The following NBAS variants were observed in gnomAD, a reference collection of about 807,000 sequenced individuals.
NBAS encodes NBAS subunit of NRZ tethering complex.
Under a neutral mutation model 302.5 loss-of-function variants are expected in NBAS, and 219 were observed. The ratio of observed to expected loss-of-function variants is 0.72; its 90% CI spans 0.65 to 0.81. The LOEUF (loss-of-function observed/expected upper bound fraction) is 0.81. Among genes scored for constraint, NBAS ranks in the 30% least tolerant of loss-of-function variants. NBAS has a pLI of 0.00. For missense variants in NBAS, 2,932 were observed against 2,841.6 expected (o/e 1.03, Z -0.72); for synonymous variants, 1,118 against 1,021.6 (o/e 1.09, Z -1.80).
the NBAS span, among the ~76,000 whole-genome samples, chr2:15,096,132 C>A: frequency 1.3e-5 from 2 of 152,242 alleles, no homozygotes; most frequent in Admixed American, 1.3e-4. Context: ...TTCCTGGAAG[C>A]CTTTGTTTAA....
the NBAS span, among the ~76,000 whole-genome samples, chr2:14,885,760 G>A: frequency 6.6e-6 from 1 of 152,146 alleles, no homozygotes. Flanking sequence ...GTAGGGCAAG[G>A]ATTCATAGAG....
At chr2:15,324,815 T>G (rs1671988872) in intron 38 of NBAS, among the ~76,000 whole-genome samples, 1 of 152,150 alleles carries the variant, frequency 6.6e-6, no homozygotes, top group South Asian at 2.1e-4. Flanking sequence ...TTTCTCCCAC[T>G]CCCTAAAGCT....
At chr2:15,113,534 C>G in the NBAS span, among the ~76,000 whole-genome samples, 1 of 151,986 alleles carries the variant, frequency 6.6e-6, no homozygotes, top group Non-Finnish European at 1.5e-5. Context: ...TTTTCTCTAC[C>G]AGGTGATATC....
At chr2:15,217,397 T>C (rs897790617) in intron 48 of NBAS, among the ~76,000 whole-genome samples, 1 of 152,246 alleles carries the variant, frequency 6.6e-6, no homozygotes, top group Admixed American at 6.5e-5. Flanking sequence ...AGACTGTATC[T>C]GATAATAATT....
chr2:14,808,433 T>C, the NBAS span, among the ~76,000 whole-genome samples: 371 of 152,282 alleles, frequency 2.4e-3, no homozygotes, highest in African/African-American at 8.1e-3. Context: ...TGGGAAATCA[T>C]TGAATCCTGG....
At chr2:14,858,534 TTA>T in the NBAS span, among the ~76,000 whole-genome samples, 24 of 152,162 alleles carry the variant, frequency 1.6e-4, no homozygotes, top group African/African-American at 5.3e-4. Flanking sequence ...CTGGAGATCA[TTA>T]TGTTTAAGTG....
At chr2:15,488,787 G>A (rs868425046) in intron 12 of NBAS, 107 bp downstream of exon 12, 17 of 1,397,154 alleles carry the variant, frequency 1.2e-5, no homozygotes, top group Middle Eastern at 3.7e-4. Context: ...GCTTTGGAAC[G>A]ATGAGAATAA....
At chr2:15,099,029 G>A in the NBAS span, among the ~76,000 whole-genome samples, 2,142 of 151,858 alleles carry the variant, frequency 0.014, 28 homozygotes, top group Non-Finnish European at 0.023. Context: ...ATTTTAGGTC[G>A]GGGACCATGG....
the NBAS span, among the ~76,000 whole-genome samples, chr2:15,098,478 G>GTTATATATTGTATATAATATGTTATATA: frequency 0.019 from 1,078 of 55,846 alleles, 90 homozygotes; most frequent in African/African-American, 0.068. Flanking sequence ...TATATAATAT[G>GTTATATATTGTATATAATATGTTATATA]TTATATATTG....
the NBAS span, among the ~76,000 whole-genome samples, chr2:15,043,403 A>G: frequency 0.014 from 2,118 of 152,200 alleles, 29 homozygotes; most frequent in South Asian, 0.023. Flanking sequence ...TTTCATAGGA[A>G]ATTTCTAACA....
intron 21 of NBAS, among the ~76,000 whole-genome samples, chr2:15,448,787 G>T (rs1255874689): frequency 6.6e-6 from 1 of 152,032 alleles, no homozygotes; most frequent in South Asian, 2.1e-4. Context: ...GCTTAAACAG[G>T]CTTGCCTATA....
chr2:14,838,511 T>C, the NBAS span, among the ~76,000 whole-genome samples: 1 of 152,066 alleles, frequency 6.6e-6, no homozygotes, highest in Non-Finnish European at 1.5e-5. Context: ...TTCAAAGTCT[T>C]TTTCTGACAA....
chr2:14,780,456 A>T, the NBAS span, among the ~76,000 whole-genome samples: 1 of 152,242 alleles, frequency 6.6e-6, no homozygotes, highest in South Asian at 2.1e-4. Context: ...CCTTCATTTG[A>T]TTTAAAGAGC....
the NBAS span, among the ~76,000 whole-genome samples, chr2:14,945,501 A>G: frequency 6.6e-6 from 1 of 152,266 alleles, no homozygotes; most frequent in African/African-American, 2.4e-5. Flanking sequence ...CAAGAATTCA[A>G]AACTTTAGTT....
chr2:15,268,119 C>T (rs1669156096), intron 44 of NBAS, among the ~76,000 whole-genome samples: 1 of 152,206 alleles, frequency 6.6e-6, no homozygotes. Flanking sequence ...TTTTCTCCAT[C>T]TTTCAAGTTC....
At chr2:15,516,190 A>C (rs774121998) in intron 9 of NBAS, among the ~76,000 whole-genome samples, 10 of 152,228 alleles carry the variant, frequency 6.6e-5, no homozygotes, top group Non-Finnish European at 5.9e-5. Flanking sequence ...CTTAATTTAC[A>C]AATTGAATGC....
At chr2:15,011,427 G>A in the NBAS span, among the ~76,000 whole-genome samples, 1 of 151,938 alleles carries the variant, frequency 6.6e-6, no homozygotes, top group Non-Finnish European at 1.5e-5. Context: ...ATCAGACATG[G>A]CCCCCCAGAC....
intron 25 of NBAS, among the ~76,000 whole-genome samples, chr2:15,405,133 A>G (rs1659343867): frequency 6.6e-6 from 1 of 152,020 alleles, no homozygotes; most frequent in Admixed American, 6.5e-5. Context: ...CTACCCAATA[A>G]TCCAGTGTTA....
At chr2:15,553,932 T>C (rs1386146642) in intron 4 of NBAS, 129 bp downstream of exon 4, 1 of 711,798 alleles carries the variant, frequency 1.4e-6, no homozygotes, top group Non-Finnish European at 2.4e-6. Flanking sequence ...ATACTAAATA[T>C]TTGCAACAAA....
Sources: gnomAD v4.1 joint callset for allele counts (sites outside exome capture counted in the v4.1 genomes callset) on GRCh38, gnomAD v4.1.1 for gene constraint, MANE v1.5 for transcripts, NCBI Gene and HGNC (gene_info 2026-07-23, HGNC 2026-07-21) for gene names.